Variants in GFPT1 observed in about 807,000 individuals in gnomAD.
GFPT1 encodes the protein glutamine--fructose-6-phosphate transaminase 1.
A neutral mutation model predicts 92.0 loss-of-function variants in GFPT1; 40 were observed. That is an observed-to-expected ratio of 0.43 (90% CI 0.34 to 0.57). The LOEUF (loss-of-function observed/expected upper bound fraction) is 0.57. Ranked by LOEUF, GFPT1 falls within the 20% of genes least tolerant of loss-of-function variation. The pLI is 0.02. For missense variants in GFPT1, 448 were observed against 869.1 expected (o/e 0.52, Z 6.09); for synonymous variants, 269 against 280.6 (o/e 0.96, Z 0.41).
At chr2:69,353,037 C>T (rs916425807) in intron 9 of GFPT1, among the ~76,000 whole-genome samples, 1 of 151,820 alleles carries the variant, frequency 6.6e-6, no homozygotes, top group African/African-American at 2.4e-5. Context: ...CAGAACAAGA[C>T]TGTTTCAAAA....
intron 15 of GFPT1, among the ~76,000 whole-genome samples, chr2:69,332,799 C>T (rs1401913419): frequency 6.6e-5 from 10 of 151,984 alleles, no homozygotes; most frequent in African/African-American, 1.2e-4. Context: ...TGTGTGCGCG[C>T]GCGGATTATA....
At chr2:69,338,620 G>C (rs202167566) in intron 13 of GFPT1, 55 bp from the exon 14 acceptor site, 6 of 1,579,214 alleles carry the variant, frequency 3.8e-6, no homozygotes, top group East Asian at 2.2e-5. Flanking sequence ...CTCTTTCATC[G>C]GACTTCTTTG....
intron 1 of GFPT1, among the ~76,000 whole-genome samples, chr2:69,375,359 C>A (rs573632193): frequency 7.7e-4 from 117 of 152,278 alleles, no homozygotes; most frequent in Non-Finnish European, 1.3e-3. Context: ...TCATTTCCAT[C>A]TGAAAAGAGA....
chr2:69,363,403 T>A, intron 4 of GFPT1, 142 bp downstream of exon 4: 1 of 862,958 alleles, frequency 1.2e-6, no homozygotes, highest in Admixed American at 2.1e-5. Flanking sequence ...CACTCTCAGC[T>A]CCATATGCTC....
intron 1 of GFPT1, among the ~76,000 whole-genome samples, chr2:69,380,505 TC>T (rs1168118908): frequency 2.6e-5 from 4 of 152,204 alleles, no homozygotes; most frequent in Admixed American, 6.5e-5. Flanking sequence ...ATGACACGTC[TC>T]TTGCACATTT....
At chr2:69,348,695 A>G (rs1671139201) in intron 10 of GFPT1, among the ~76,000 whole-genome samples, 1 of 152,146 alleles carries the variant, frequency 6.6e-6, no homozygotes, top group Non-Finnish European at 1.5e-5. Flanking sequence ...CCTCGGGTGG[A>G]CTACTGCAGC....
chr2:69,359,438 A>G, intron 4 of GFPT1, 112 bp from the exon 5 acceptor site: 2 of 660,594 alleles, frequency 3.0e-6, no homozygotes, highest in Non-Finnish European at 5.6e-6. Context: ...CATGCTATAT[A>G]CTATTTATGT....
intron 11 of GFPT1, among the ~76,000 whole-genome samples, chr2:69,346,723 G>A (rs1300551446): frequency 6.6e-6 from 1 of 151,770 alleles, no homozygotes; most frequent in Non-Finnish European, 1.5e-5. Flanking sequence ...TGCAATAAAT[G>A]TTATTTCTTA....
chr2:69,367,362 G>GTTT (rs1195001873), intron 3 of GFPT1, among the ~76,000 whole-genome samples: 1 of 151,914 alleles, frequency 6.6e-6, no homozygotes, highest in Non-Finnish European at 1.5e-5. Flanking sequence ...TGTTGTTGTT[G>GTTT]TTGTTGTTGT....
At chr2:69,341,126 T>C (rs777842933) in intron 13 of GFPT1, among the ~76,000 whole-genome samples, 1 of 141,296 alleles carries the variant, frequency 7.1e-6, no homozygotes, top group Non-Finnish European at 1.5e-5. Flanking sequence ...ACCCCGATAA[T>C]TTTTTTTTTT....
intron 2 of GFPT1, among the ~76,000 whole-genome samples, chr2:69,373,309 T>G (rs1014939020): frequency 6.6e-6 from 1 of 152,070 alleles, no homozygotes; most frequent in Non-Finnish European, 1.5e-5. Context: ...AAAGTTATGT[T>G]TATGTGTAAT....
chr2:69,364,413 G>A (rs554689503), intron 3 of GFPT1, among the ~76,000 whole-genome samples: 101 of 152,290 alleles, frequency 6.6e-4, no homozygotes, highest in African/African-American at 2.3e-3. Flanking sequence ...ATACTCAAGA[G>A]TTAAGGACAA....
chr2:69,346,054 T>G, intron 11 of GFPT1, 55 bp from the exon 12 acceptor site: 1 of 984,716 alleles, frequency 1.0e-6, no homozygotes, highest in Non-Finnish European at 1.6e-6. Flanking sequence ...TAAAAGAATT[T>G]GTACACAACT....
At chr2:69,357,508 G>A (rs1044933202) in intron 6 of GFPT1, among the ~76,000 whole-genome samples, 1 of 152,168 alleles carries the variant, frequency 6.6e-6, no homozygotes, top group African/African-American at 2.4e-5. Context: ...GAAAAGGCTG[G>A]GAAGGCACAC....
intron 2 of GFPT1, among the ~76,000 whole-genome samples, chr2:69,373,410 A>G (rs1192292217): frequency 6.6e-6 from 1 of 152,180 alleles, no homozygotes; most frequent in Non-Finnish European, 1.5e-5. Context: ...TGAGGCCAGG[A>G]GTTTGAGACC....
intron 13 of GFPT1, among the ~76,000 whole-genome samples, chr2:69,340,140 CTTTTTTTTTT>C (rs139786418): frequency 1.0e-5 from 1 of 99,128 alleles, no homozygotes; most frequent in Non-Finnish European, 2.1e-5. Flanking sequence ...GTTGGGGCAA[CTTTTTTTTTT>C]TTTTTTTTTT....
At chr2:69,337,161 T>A (rs138788538) in intron 15 of GFPT1, among the ~76,000 whole-genome samples, 57,558 of 151,000 alleles carry the variant, frequency 0.38, 11,262 homozygotes, top group Middle Eastern at 0.44. Flanking sequence ...ACCTCCCAGG[T>A]TCAAGTGATT....
intron 1 of GFPT1, among the ~76,000 whole-genome samples, chr2:69,386,652 T>C (rs1269460022): frequency 1.3e-5 from 2 of 152,204 alleles, no homozygotes; most frequent in Non-Finnish European, 2.9e-5. Flanking sequence ...TTTAGAAAAA[T>C]GCAAGGTAAG....
At chr2:69,376,865 C>T (rs145572584) in intron 1 of GFPT1, among the ~76,000 whole-genome samples, 12 of 152,174 alleles carry the variant, frequency 7.9e-5, no homozygotes, top group African/African-American at 2.4e-4. Context: ...TATTTAAATG[C>T]TAATGATATA....
Sources: gnomAD v4.1 joint callset for allele counts (sites outside exome capture counted in the v4.1 genomes callset) on GRCh38, gnomAD v4.1.1 for gene constraint, MANE v1.5 for transcripts, NCBI Gene and HGNC (gene_info 2026-07-23, HGNC 2026-07-21) for gene names.